The following ALDH8A1 variants were observed in gnomAD, a reference collection of about 807,000 sequenced individuals.
ALDH8A1 encodes the protein 2-aminomuconic semialdehyde dehydrogenase.
Under a neutral mutation model 43.3 loss-of-function variants are expected in ALDH8A1, and 39 were observed. The ratio of observed to expected loss-of-function variants is 0.90; its 90% CI spans 0.70 to 1.18. The LOEUF is 1.18. Among genes scored for constraint, ALDH8A1 ranks in the 50% most tolerant of loss-of-function variants. ALDH8A1 has a pLI of 0.00. For synonymous variants in ALDH8A1, 233 were observed against 243.5 expected (o/e 0.96, Z 0.40); for missense variants, 605 against 622.6 (o/e 0.97, Z 0.30).
At chr6:134,924,909 A>G (rs965984026) in intron 6 of ALDH8A1, among the ~76,000 whole-genome samples, 1 of 152,250 alleles carries the variant, frequency 6.6e-6, no homozygotes, top group African/African-American at 2.4e-5. Context: ...AAGGCATTCC[A>G]AATGTGAATG....
chr6:134,923,133 C>A (rs1242358199), intron 6 of ALDH8A1, among the ~76,000 whole-genome samples: 1 of 151,996 alleles, frequency 6.6e-6, no homozygotes, highest in African/African-American at 2.4e-5. Context: ...TTCAGGTGAT[C>A]CTCCTGCCTC....
chr6:134,917,534 G>C lies in ALDH8A1; in HGVS notation c.*881C>G, dbSNP rs2114670661. On this transcript the variant is annotated 3_prime_UTR_variant, in exon 7 of 7. Coordinates refer to ENST00000265605, the MANE Select transcript of ALDH8A1 (RefSeq NM_022568.4). ...AAACTATGTACTCTTCTTGTTCCAA[G>C]TTTCCTCCAAAAGTAGTAGTTATTT... is the stretch of plus-strand genomic sequence containing the variant. The C allele has an allele frequency of 6.6e-6, 1 of 152,256 alleles. No individual in the cohort carries two copies. Among genetic ancestry groups the C allele is most frequent in the Admixed American group, 6.5e-5 (1 of 15,302 alleles). 9.4% of individuals were successfully genotyped at this position (152,256 alleles called of 1,614,324 possible).
At chr6:134,940,208 C>A (rs767751868) in intron 3 of ALDH8A1, 3 of 362,686 alleles carry the variant, frequency 8.3e-6, no homozygotes, top group South Asian at 2.1e-5. Context: ...ACGTCCTGCA[C>A]GTGTACCCTG....
At chr6:134,922,517 A>G (rs6903813) in intron 6 of ALDH8A1, among the ~76,000 whole-genome samples, 1 of 151,862 alleles carries the variant, frequency 6.6e-6, no homozygotes, top group Non-Finnish European at 1.5e-5. Context: ...CCTCCCGAGT[A>G]GCTGGGGCTA....
Position 134,918,413 on chromosome 6 carries a change from G to T in ALDH8A1, c.*2C>A. Reference sequence around the variant, plus strand: ...CCATAGTGGCTCCACCATTAGCAAAGATCAGTGTTTAACGGTGATGGTTTT... The same window carrying T: ...CCATAGTGGCTCCACCATTAGCAAATATCAGTGTTTAACGGTGATGGTTTT... On this transcript the variant is annotated 3_prime_UTR_variant, in exon 7 of 7. Coordinates refer to ENST00000265605, the MANE Select transcript of ALDH8A1 (RefSeq NM_022568.4). 5 of 1,612,818 alleles carry T rather than the reference G, an allele frequency of 3.1e-6. No homozygotes were observed. The highest frequency in any genetic ancestry group is 4.2e-6 in the Non-Finnish European group (5 of 1,178,956).
Position 134,934,358 on chromosome 6 carries a change from T to C in ALDH8A1, c.593-1326A>G, listed in dbSNP as rs558283483. ...TCTAAAAAACAAGAAATGGATAATC[T>C]ATTCCTTTATCGCCTTTAGCTAACC... On this transcript the variant is annotated intron_variant, in intron 4 of 6. Coordinates refer to ENST00000265605, the MANE Select transcript of ALDH8A1 (RefSeq NM_022568.4). Among the ~76,000 whole-genome samples the C allele has an allele frequency of 4.6e-5, 7 of 152,282 alleles. No individual in the cohort carries two copies. The South Asian group carries it at 1.5e-3, about 32-fold the overall frequency.
At chr6:134,923,087 G>A (rs750129156) in intron 6 of ALDH8A1, among the ~76,000 whole-genome samples, 4 of 152,070 alleles carry the variant, frequency 2.6e-5, no homozygotes, top group Non-Finnish European at 4.4e-5. Flanking sequence ...ATTCAGTGGC[G>A]TGATCTCAGC....
In ALDH8A1 at chr6:134,943,836, G is replaced by T; in HGVS notation, c.269C>A (p.Ala90Asp). Residue 90 changes from alanine to aspartate, a missense_variant, in exon 2 of 7, where the codon GCC becomes GAC. Physicochemically the swap from Ala to Asp is moderately radical, Grantham distance 126. Transcript: ENST00000265605. ...ACTCTCACCTTGGTCTTTAGACTCG[G>T]CCTGGGCAAACTCCTCCAGGGACTG... ...LEQSLEEFAQ[A>D]ESKDQGKTLA... 1 of 1,614,176 alleles carries T rather than the reference G, an allele frequency of 6.2e-7. No homozygotes were observed. The highest frequency in any genetic ancestry group is 8.5e-7 in the Non-Finnish European group (1 of 1,180,022).
intron 4 of ALDH8A1, among the ~76,000 whole-genome samples, chr6:134,935,545 G>C (rs538038012): frequency 7.7e-4 from 117 of 152,298 alleles, no homozygotes; most frequent in African/African-American, 2.7e-3. Flanking sequence ...TAATCACGCT[G>C]TGTCTAGGCA....
intron 5 of ALDH8A1, among the ~76,000 whole-genome samples, chr6:134,930,999 A>C (rs1776976468): frequency 6.6e-6 from 1 of 152,242 alleles, no homozygotes; most frequent in African/African-American, 2.4e-5. Context: ...GATGCTTCAA[A>C]AAAGCCAATT....
chr6:134,944,025 A>C, intron 1 of ALDH8A1, 59 bp from the exon 2 acceptor site: 3 of 1,547,388 alleles, frequency 1.9e-6, no homozygotes, highest in Non-Finnish European at 2.6e-6. Flanking sequence ...TGGGGGATGG[A>C]CAAAACCAGA....
intron 6 of ALDH8A1, among the ~76,000 whole-genome samples, chr6:134,920,748 G>A (rs1407939418): frequency 7.2e-6 from 1 of 138,368 alleles, no homozygotes; most frequent in African/African-American, 3.5e-5. Context: ...ATTCTGGGGG[G>A]GAGAAAAAAA....
intron 6 of ALDH8A1, among the ~76,000 whole-genome samples, chr6:134,919,767 C>G (rs1351310724): frequency 1.3e-5 from 2 of 152,146 alleles, no homozygotes; most frequent in Non-Finnish European, 2.9e-5. Flanking sequence ...ATCTATCGAG[C>G]ATTCTGCCCC....
At chr6:134,934,440 C>A (rs1032408930) in intron 4 of ALDH8A1, among the ~76,000 whole-genome samples, 5 of 152,198 alleles carry the variant, frequency 3.3e-5, no homozygotes, top group African/African-American at 1.2e-4. Context: ...TGACAGCTCA[C>A]CAGTCTCACA....
At chr6:134,923,912 A>T (rs944880093) in intron 6 of ALDH8A1, among the ~76,000 whole-genome samples, 18 of 152,182 alleles carry the variant, frequency 1.2e-4, no homozygotes, top group African/African-American at 4.1e-4. Context: ...AGGGAAAGGG[A>T]CGAAAATTAG....
At chr6:134,921,958 C>G (rs570849957) in intron 6 of ALDH8A1, among the ~76,000 whole-genome samples, 1 of 152,356 alleles carries the variant, frequency 6.6e-6, no homozygotes, top group East Asian at 1.9e-4. Flanking sequence ...AGGGCAGAGA[C>G]AGCAGGGCTT....
intron 5 of ALDH8A1, among the ~76,000 whole-genome samples, chr6:134,929,800 T>G (rs1201435698): frequency 6.6e-6 from 1 of 152,154 alleles, no homozygotes; most frequent in African/African-American, 2.4e-5. Context: ...TTACGTTTTA[T>G]TCTCAGTATC....
chr6:134,937,554 C>G (rs2114698988), intron 4 of ALDH8A1, among the ~76,000 whole-genome samples: 1 of 152,304 alleles, frequency 6.6e-6, no homozygotes, highest in Admixed American at 6.5e-5. Context: ...GTCATGCAGG[C>G]CAGGTTCAGG....
intron 1 of ALDH8A1, 49 bp downstream of exon 1, chr6:134,949,867 G>T: frequency 6.7e-7 from 1 of 1,491,258 alleles, no homozygotes; most frequent in Non-Finnish European, 9.0e-7. Flanking sequence ...ACCCATAATT[G>T]GCCAACATAT....
Sources: allele counts gnomAD v4.1 joint callset (sites outside exome capture counted in the v4.1 genomes callset), GRCh38; gene constraint gnomAD v4.1.1; transcripts MANE v1.5; gene names NCBI Gene and HGNC (gene_info 2026-07-23, HGNC 2026-07-21).